Variants in TENM2 observed in about 807,000 individuals in gnomAD.
TENM2 encodes teneurin-2.
In TENM2, 52 loss-of-function variants were observed where a neutral mutation model predicts 245.2. The ratio of observed to expected loss-of-function variants is 0.21; its 90% CI spans 0.17 to 0.27. The LOEUF (loss-of-function observed/expected upper bound fraction) is 0.27, where lower values mean the gene tolerates loss of function less well. Ranked by LOEUF, TENM2 falls within the 10% of genes least tolerant of loss-of-function variation. The pLI is 1.00. For missense variants in TENM2, 3,046 were observed against 3,666.8 expected (o/e 0.83, Z 4.37); for synonymous variants, 1,363 against 1,438.9 (o/e 0.95, Z 1.19).
At chr5:167,743,940 G>T (rs1371246945) in intron 2 of TENM2, among the ~76,000 whole-genome samples, 1 of 152,126 alleles carries the variant, frequency 6.6e-6, no homozygotes, top group Non-Finnish European at 1.5e-5. Context: ...CTAGAAGTGA[G>T]CTTGAATAAT....
chr5:167,104,556 A>G, the TENM2 span, among the ~76,000 whole-genome samples: 1 of 152,224 alleles, frequency 6.6e-6, no homozygotes, highest in Non-Finnish European at 1.5e-5. Context: ...TACCTTGTAA[A>G]GGGTAATTGC....
chr5:167,684,074 C>G (rs1179046253), intron 2 of TENM2, among the ~76,000 whole-genome samples: 1 of 152,188 alleles, frequency 6.6e-6, no homozygotes, highest in Non-Finnish European at 1.5e-5. Flanking sequence ...CTTCTCTTCT[C>G]CAGTCGTCAT....
At chr5:167,730,806 C>T (rs1760370019) in intron 2 of TENM2, among the ~76,000 whole-genome samples, 1 of 152,174 alleles carries the variant, frequency 6.6e-6, no homozygotes, top group African/African-American at 2.4e-5. Flanking sequence ...CATTTTTCCC[C>T]AGAGGCATTT....
intron 3 of TENM2, chr5:167,934,932 G>A (rs1217144525): frequency 7.9e-5 from 78 of 985,272 alleles, no homozygotes; most frequent in Non-Finnish European, 9.3e-5. Context: ...TAGGCAGAAG[G>A]ATGGCTTTTA....
At chr5:167,216,780 A>T in the TENM2 span, among the ~76,000 whole-genome samples, 1 of 152,082 alleles carries the variant, frequency 6.6e-6, no homozygotes, top group Non-Finnish European at 1.5e-5. Context: ...TACAAAACTT[A>T]GTCATGTGTG....
chr5:167,903,602 C>T (rs1369860502), intron 3 of TENM2, among the ~76,000 whole-genome samples: 1 of 152,100 alleles, frequency 6.6e-6, no homozygotes, highest in Non-Finnish European at 1.5e-5. Context: ...AGACAAGAAG[C>T]AGGAAAGTTC....
chr5:167,741,871 G>C lies in TENM2; in HGVS notation c.503-134115G>C, dbSNP rs74771936. 4.3e-4 allele frequency among the ~76,000 whole-genome samples: 66 copies of C among 152,184 alleles called. No homozygotes were observed. In the East Asian group the frequency reaches 0.012, roughly 27 times the overall value. On this transcript the variant is annotated intron_variant, in intron 2 of 28. Transcript: ENST00000518659. ...CATTCGGCACCTGTTATTATTTCTA[G>C]AAACTGTATTAAGCCTGTGGACAAA...
chr5:167,273,910 T>C, the TENM2 span, among the ~76,000 whole-genome samples: 1 of 152,088 alleles, frequency 6.6e-6, no homozygotes, highest in Non-Finnish European at 1.5e-5. Context: ...TTTTTTAAAG[T>C]AGGCTTTGTA....
chr5:167,906,635 A>T (rs987463283), intron 3 of TENM2, among the ~76,000 whole-genome samples: 45 of 152,202 alleles, frequency 3.0e-4, no homozygotes, highest in African/African-American at 9.9e-4. Context: ...AGACCATCTG[A>T]TGAAGGCAAG....
the TENM2 span, among the ~76,000 whole-genome samples, chr5:167,048,104 T>G: frequency 1.3e-5 from 2 of 152,188 alleles, no homozygotes; most frequent in African/African-American, 4.8e-5. Context: ...TAGATGAATT[T>G]AATCTGTACT....
At chr5:167,457,459 C>T (rs1561972265) in intron 2 of TENM2, among the ~76,000 whole-genome samples, 1 of 152,016 alleles carries the variant, frequency 6.6e-6, no homozygotes, top group African/African-American at 2.4e-5. Context: ...TGAGTAGCTC[C>T]TGCCTCCCTA....
chr5:167,605,518 C>T (rs1776970732), intron 2 of TENM2, among the ~76,000 whole-genome samples: 1 of 152,108 alleles, frequency 6.6e-6, no homozygotes, highest in South Asian at 2.1e-4. Context: ...AGAAGTGTTC[C>T]CCTGGAGTCA....
chr5:167,312,665 G>A (rs531699677), intron 1 of TENM2, among the ~76,000 whole-genome samples: 6 of 151,998 alleles, frequency 3.9e-5, no homozygotes, highest in African/African-American at 1.2e-4. Context: ...TAAACTCAGT[G>A]TGTTATAACA....
At chr5:167,290,351 G>A (rs2127718466) in intron 1 of TENM2, among the ~76,000 whole-genome samples, 1 of 152,210 alleles carries the variant, frequency 6.6e-6, no homozygotes, top group Non-Finnish European at 1.5e-5. Context: ...ACCATATATA[G>A]GTATTGGGTT....
intron 2 of TENM2, among the ~76,000 whole-genome samples, chr5:167,545,154 G>T (rs904129651): frequency 1.3e-5 from 2 of 152,094 alleles, no homozygotes; most frequent in African/African-American, 4.8e-5. Flanking sequence ...TTGGTGGTTT[G>T]GTTATTTATT....
the TENM2 span, among the ~76,000 whole-genome samples, chr5:167,097,489 A>T: frequency 1.3e-5 from 2 of 152,190 alleles, no homozygotes; most frequent in African/African-American, 4.8e-5. Flanking sequence ...AGATGGAAGC[A>T]ATGCATCATC....
At chr5:168,039,789 A>G (rs1788022777) in intron 5 of TENM2, among the ~76,000 whole-genome samples, 1 of 151,854 alleles carries the variant, frequency 6.6e-6, no homozygotes, top group Non-Finnish European at 1.5e-5. Context: ...TGATGCTGAG[A>G]GCTAGGGGGT....
At chr5:167,258,877 G>T in the TENM2 span, among the ~76,000 whole-genome samples, 1 of 152,062 alleles carries the variant, frequency 6.6e-6, no homozygotes, top group Non-Finnish European at 1.5e-5. Context: ...GACAAAAAAA[G>T]GGTTTTTACT....
chr5:167,086,856 A>G, the TENM2 span, among the ~76,000 whole-genome samples: 2 of 152,058 alleles, frequency 1.3e-5, no homozygotes, highest in Non-Finnish European at 2.9e-5. Context: ...ATCAGGGACT[A>G]TAAAGCTTTT....
Sources: gnomAD v4.1 joint callset for allele counts (sites outside exome capture counted in the v4.1 genomes callset) on GRCh38, gnomAD v4.1.1 for gene constraint, MANE v1.5 for transcripts, NCBI Gene and HGNC (gene_info 2026-07-23, HGNC 2026-07-21) for gene names.